The following ACVR1 variants were observed in gnomAD, a reference collection of about 807,000 sequenced individuals.
ACVR1 encodes the protein activin A receptor type 1, also known as activin receptor type-1.
Under a neutral mutation model 57.1 loss-of-function variants are expected in ACVR1, and 38 were observed. The observed-to-expected ratio is 0.67, with a 90% CI of 0.51 to 0.87. The LOEUF (loss-of-function observed/expected upper bound fraction) is 0.87, where lower values mean the gene tolerates loss of function less well. ACVR1 is among the 40% of genes least tolerant of loss of function. The pLI, the probability that ACVR1 is intolerant of heterozygous loss-of-function variation, is 0.00. For synonymous variants in ACVR1, 212 were observed against 228.1 expected (o/e 0.93, Z 0.63); for missense variants, 463 against 638.2 (o/e 0.73, Z 2.96).
chr2:157,800,585 C>T (rs1305591190), intron 2 of ACVR1, among the ~76,000 whole-genome samples: 2 of 152,072 alleles, frequency 1.3e-5, no homozygotes, highest in East Asian at 1.9e-4. Context: ...TCTTTGGTTC[C>T]ATAATTATAG....
intron 3 of ACVR1, among the ~76,000 whole-genome samples, chr2:157,794,328 A>G (rs938395340): frequency 1.3e-5 from 2 of 152,220 alleles, no homozygotes; most frequent in African/African-American, 4.8e-5. Flanking sequence ...CTAGAGTTGT[A>G]TATATAATGA....
chr2:157,739,168 G>A (rs1323485426), intron 9 of ACVR1, among the ~76,000 whole-genome samples: 2 of 152,128 alleles, frequency 1.3e-5, no homozygotes, highest in Non-Finnish European at 2.9e-5. Flanking sequence ...CATTCTACAT[G>A]TACTGAGTAC....
intron 10 of ACVR1, among the ~76,000 whole-genome samples, 182 bp downstream of exon 10, chr2:157,738,258 C>G (rs1684616112): frequency 6.6e-6 from 1 of 152,144 alleles, no homozygotes; most frequent in African/African-American, 2.4e-5. Flanking sequence ...ATGGCTTCTT[C>G]AAGAATGGAG....
Position 157,834,012 on chromosome 2 carries a change from A to G in ACVR1, c.-182-15453T>C, listed in dbSNP as rs78419421. ...AAATTTAGACTGGTTTAACACAACC[A>G]TGAGGTATCCTTCCAGTTTTTTAAT... On this transcript the variant is annotated intron_variant, in intron 1 of 10. Coordinates refer to ENST00000434821, the MANE Select transcript of ACVR1 (RefSeq NM_001111067.4). Among the ~76,000 whole-genome samples the G allele has an allele frequency of 5.3e-5, 8 of 152,344 alleles. No individual in the cohort carries two copies. In the East Asian group the frequency reaches 1.5e-3, roughly 29 times the overall value.
chr2:157,854,902 G>T (rs1689456115), intron 1 of ACVR1, among the ~76,000 whole-genome samples: 1 of 151,456 alleles, frequency 6.6e-6, no homozygotes, highest in Non-Finnish European at 1.5e-5. Flanking sequence ...AGCTGGGCAT[G>T]GTGGTGCATG....
intron 9 of ACVR1, among the ~76,000 whole-genome samples, chr2:157,757,292 A>G (rs1429839435): frequency 6.6e-6 from 1 of 151,746 alleles, no homozygotes; most frequent in Non-Finnish European, 1.5e-5. Context: ...TTCCAGAAGG[A>G]AAATAAATGG....
chr2:157,854,412 GC>G (rs1689433805), intron 1 of ACVR1, among the ~76,000 whole-genome samples: 1 of 151,888 alleles, frequency 6.6e-6, no homozygotes, highest in Admixed American at 6.6e-5. Context: ...CATCACACTG[GC>G]AAATCCAAAA....
At chr2:157,834,304 G>A (rs1688699106) in intron 1 of ACVR1, among the ~76,000 whole-genome samples, 1 of 152,000 alleles carries the variant, frequency 6.6e-6, no homozygotes, top group Non-Finnish European at 1.5e-5. Flanking sequence ...TGTTAGCCAG[G>A]ATGGTCTCGA....
intron 9 of ACVR1, among the ~76,000 whole-genome samples, chr2:157,750,233 G>A (rs552837286): frequency 1.8e-4 from 27 of 152,342 alleles, no homozygotes; most frequent in African/African-American, 6.5e-4. Flanking sequence ...AAGCCACCCA[G>A]AAGCCTGATG....
At chr2:157,770,254 A>C (rs1047071085) in intron 7 of ACVR1, 114 bp downstream of exon 7, 13 of 1,138,392 alleles carry the variant, frequency 1.1e-5, no homozygotes, top group Non-Finnish European at 1.3e-5. Flanking sequence ...AAGGATCCCT[A>C]TATTGCTTTT....
At chr2:157,739,741 T>C (rs1222802532) in intron 9 of ACVR1, among the ~76,000 whole-genome samples, 1 of 152,200 alleles carries the variant, frequency 6.6e-6, no homozygotes, top group Non-Finnish European at 1.5e-5. Context: ...AATCCATCCT[T>C]ACAAATTCCA....
intron 9 of ACVR1, among the ~76,000 whole-genome samples, chr2:157,743,475 C>T (rs1370306882): frequency 6.6e-6 from 1 of 151,948 alleles, no homozygotes; most frequent in Non-Finnish European, 1.5e-5. Context: ...AACACAACAC[C>T]TAGTGTATTA....
At position 157,758,371 on chromosome 2, in the gene ACVR1, T is replaced by A. The variant is rs143994008; in HGVS notation, c.1264+2509A>T. On this transcript the variant is annotated intron_variant, in intron 9 of 10. Coordinates refer to ENST00000434821, the MANE Select transcript of ACVR1 (RefSeq NM_001111067.4). ...ACAGATACAAAAAGTAGGCCCTCTA[T>A]ATACTCAGTTTTGCATCCCACAAAT... Among the ~76,000 whole-genome samples, 342 of 152,118 alleles carry A rather than the reference T, an allele frequency of 2.2e-3. 2 individuals are homozygous for A. Among genetic ancestry groups the A allele is most frequent in the African/African-American group, 7.8e-3 (324 of 41,542 alleles).
intron 1 of ACVR1, among the ~76,000 whole-genome samples, chr2:157,834,173 C>A (rs967514044): frequency 2.0e-5 from 3 of 152,146 alleles, no homozygotes; most frequent in African/African-American, 7.2e-5. Context: ...CTCACTGCAA[C>A]CTCTGCCTCC....
chr2:157,805,802 GTTT>G (rs968141904), intron 2 of ACVR1, among the ~76,000 whole-genome samples: 7 of 131,546 alleles, frequency 5.3e-5, no homozygotes, highest in African/African-American at 1.9e-4. Context: ...GTTTGTTTGG[GTTT>G]TTTTTTTCTT....
rs187002043 is a variant in ACVR1 at position 157,741,366 on chromosome 2, G to A, written c.1265-2796C>T. Among the ~76,000 whole-genome samples the A allele has an allele frequency of 5.7e-3, 875 of 152,222 alleles. 10 individuals are homozygous for A. The highest frequency in any genetic ancestry group is 0.02 in the African/African-American group (849 of 41,538). ...AAAAGATGAAAAAACGGTGGCTCAC[G>A]CCTGTAATCCCAGCACTTTGGGAGG... On this transcript the variant is annotated intron_variant, in intron 9 of 10. Coordinates refer to ENST00000434821, the MANE Select transcript of ACVR1 (RefSeq NM_001111067.4).
chr2:157,797,843 A>G (rs1687176644), intron 3 of ACVR1, among the ~76,000 whole-genome samples: 1 of 152,146 alleles, frequency 6.6e-6, no homozygotes, highest in South Asian at 2.1e-4. Context: ...TGCCAAGGTG[A>G]GGGTATTAGG....
At chr2:157,812,235 G>C (rs1292888592) in intron 2 of ACVR1, among the ~76,000 whole-genome samples, 1 of 152,120 alleles carries the variant, frequency 6.6e-6, no homozygotes, top group Non-Finnish European at 1.5e-5. Context: ...TGAACCATGT[G>C]GATGCAATCA....
At position 157,867,440 on chromosome 2, in the gene ACVR1, A is replaced by T. The variant is rs369597986; in HGVS notation, c.-183+8356T>A. 3.9e-4 allele frequency among the ~76,000 whole-genome samples: 59 copies of T among 152,318 alleles called. No homozygotes were observed. The South Asian group carries it at 9.9e-3, about 26-fold the overall frequency. ...AACAAACAAACCTGTCAGTGCAAGA[A>T]CAATAAACAGCAACTAACACCGAGC... On this transcript the variant is annotated intron_variant, in intron 1 of 10. Transcript: ENST00000434821.
Sources: gnomAD v4.1 joint callset for allele counts (sites outside exome capture counted in the v4.1 genomes callset) on GRCh38, gnomAD v4.1.1 for gene constraint, MANE v1.5 for transcripts, NCBI Gene and HGNC (gene_info 2026-07-23, HGNC 2026-07-21) for gene names.